The following ARB2A variants were observed in gnomAD, a reference collection of about 807,000 sequenced individuals.
ARB2A encodes the protein cotranscriptional regulator ARB2A.
chr5:93,630,388 CT>C, the ARB2A span, among the ~76,000 whole-genome samples: 70 of 152,316 alleles, frequency 4.6e-4, no homozygotes, highest in East Asian at 0.012. Context: ...AGCAAGTTCT[CT>C]TTCCATTGCT....
the ARB2A span, among the ~76,000 whole-genome samples, chr5:94,066,053 G>A: frequency 6.6e-6 from 1 of 151,980 alleles, no homozygotes; most frequent in Non-Finnish European, 1.5e-5. Context: ...AAGAACTTCA[G>A]AAAATGTACA....
chr5:93,644,315 A>G, the ARB2A span, among the ~76,000 whole-genome samples: 9 of 152,372 alleles, frequency 5.9e-5, no homozygotes, highest in African/African-American at 2.2e-4. Context: ...GTTAGCACAG[A>G]AAATGGGAAA....
the ARB2A span, among the ~76,000 whole-genome samples, chr5:93,922,695 G>A: frequency 1.4e-5 from 2 of 144,090 alleles, no homozygotes; most frequent in Non-Finnish European, 3.1e-5. Context: ...AGGGAGGGAG[G>A]AAGGAAAGAA....
At chr5:94,034,862 AC>A in the ARB2A span, among the ~76,000 whole-genome samples, 3 of 152,108 alleles carry the variant, frequency 2.0e-5, no homozygotes, top group Non-Finnish European at 4.4e-5. Context: ...CCTAAGCTCC[AC>A]CTCCTGTCAG....
the ARB2A span, among the ~76,000 whole-genome samples, chr5:93,761,413 C>T: frequency 6.6e-5 from 10 of 152,202 alleles, no homozygotes; most frequent in African/African-American, 9.7e-5. Flanking sequence ...GATTATATCC[C>T]GCACGTGGCT....
At chr5:94,028,225 A>G in the ARB2A span, among the ~76,000 whole-genome samples, 1 of 152,304 alleles carries the variant, frequency 6.6e-6, no homozygotes, top group East Asian at 1.9e-4. Flanking sequence ...CCAGGTAAAA[A>G]GCAGTCAGGG....
chr5:93,849,543 A>T, the ARB2A span, among the ~76,000 whole-genome samples: 6 of 152,156 alleles, frequency 3.9e-5, no homozygotes, highest in Non-Finnish European at 8.8e-5. Flanking sequence ...CTGTACAATC[A>T]GTTACCAATA....
the ARB2A span, among the ~76,000 whole-genome samples, chr5:94,027,852 G>C: frequency 4.9e-4 from 75 of 152,300 alleles, no homozygotes; most frequent in African/African-American, 1.6e-3. Context: ...CTGGACTTGA[G>C]ACTAGTGGGA....
chr5:94,008,269 T>C, the ARB2A span, among the ~76,000 whole-genome samples: 6 of 152,182 alleles, frequency 3.9e-5, no homozygotes, highest in Non-Finnish European at 8.8e-5. Flanking sequence ...AGGATTAACA[T>C]GTTTAAGAAT....
the ARB2A span, among the ~76,000 whole-genome samples, chr5:93,879,329 A>G: frequency 6.6e-6 from 1 of 152,146 alleles, no homozygotes; most frequent in South Asian, 2.1e-4. Flanking sequence ...TTTTAAGAGA[A>G]ATGATGTTTA....
the ARB2A span, among the ~76,000 whole-genome samples, chr5:93,955,361 A>G: frequency 2.4e-4 from 36 of 152,332 alleles, no homozygotes; most frequent in Middle Eastern, 3.4e-3. Flanking sequence ...CATATTAATA[A>G]GCTCAGTCCA....
At chr5:94,060,256 G>A in the ARB2A span, among the ~76,000 whole-genome samples, 1 of 152,036 alleles carries the variant, frequency 6.6e-6, no homozygotes, top group Non-Finnish European at 1.5e-5. Context: ...GGAGGCTTAG[G>A]CAGGAGAATC....
chr5:93,985,381 C>T, the ARB2A span, among the ~76,000 whole-genome samples: 1 of 151,982 alleles, frequency 6.6e-6, no homozygotes, highest in East Asian at 1.9e-4. Flanking sequence ...CTCTCTCCCT[C>T]TCCCTCTTTC....
chr5:93,830,252 T>G, the ARB2A span, among the ~76,000 whole-genome samples: 1 of 148,622 alleles, frequency 6.7e-6, no homozygotes, highest in Middle Eastern at 3.5e-3. Flanking sequence ...ACTCCATATA[T>G]GGACAGGATT....
At chr5:93,768,580 T>C in the ARB2A span, among the ~76,000 whole-genome samples, 1 of 150,756 alleles carries the variant, frequency 6.6e-6, no homozygotes. Context: ...ATATACTATG[T>C]GTGTGTGTGT....
At chr5:94,080,560 A>C in the ARB2A span, among the ~76,000 whole-genome samples, 1 of 152,160 alleles carries the variant, frequency 6.6e-6, no homozygotes, top group Admixed American at 6.5e-5. Context: ...GCAGTTAGCA[A>C]ACAGACTCCA....
At chr5:93,664,584 T>C in the ARB2A span, among the ~76,000 whole-genome samples, 1 of 150,570 alleles carries the variant, frequency 6.6e-6, no homozygotes, top group African/African-American at 2.4e-5. Flanking sequence ...TGAGCCGAGA[T>C]AGCGCCACTG....
chr5:93,659,307 A>G, the ARB2A span, among the ~76,000 whole-genome samples: 42,360 of 151,988 alleles, frequency 0.28, 7,716 homozygotes, highest in African/African-American at 0.5. Flanking sequence ...ACACTTGGAA[A>G]GAGTCCACAG....
the ARB2A span, among the ~76,000 whole-genome samples, chr5:94,099,483 G>T: frequency 6.6e-6 from 1 of 151,866 alleles, no homozygotes; most frequent in East Asian, 1.9e-4. Flanking sequence ...AATTAGCCGG[G>T]CATGGTGGTG....
Sources: allele counts gnomAD v4.1 joint callset (sites outside exome capture counted in the v4.1 genomes callset), GRCh38; gene constraint gnomAD v4.1.1; transcripts MANE v1.5; gene names NCBI Gene and HGNC (gene_info 2026-07-23, HGNC 2026-07-21).